UBE2O: variants seen among roughly 807,000 people sequenced by gnomAD.
UBE2O encodes the protein ubiquitin conjugating enzyme E2 O.
UBE2O carries 15 observed loss-of-function variants against 125.8 expected under a neutral mutation model. That is an observed-to-expected ratio of 0.12 (90% CI 0.08 to 0.18). The LOEUF is 0.18. Among genes scored for constraint, UBE2O ranks in the 10% least tolerant of loss-of-function variants. UBE2O has a pLI of 1.00. For synonymous variants in UBE2O, 708 were observed against 703.2 expected, an observed-to-expected ratio of 1.01 and a Z score of -0.11; for missense variants, 1,280 against 1,723.6, an observed-to-expected ratio of 0.74 and a Z score of 4.56.
In UBE2O at chr17:76,391,967, G is replaced by C; in HGVS notation, c.3093C>G (p.Pro1031=). ...ACACCTTCCCATTGTCATACAGGTT[G>C]GGGTTCAGGCGGCCACTGCATTGGG... The part of the protein sequence containing the change: ...YLSQCSGRLN[P]NLYDNGKVCV... Residue 1031 remains proline, a synonymous_variant, in exon 16 of 18, where the codon CCC becomes CCG. Transcript: ENST00000319380. This position sits in a 1 kb window ranked among gnomAD's most constrained non-coding sequence, Gnocchi z 8.4. The C allele has an allele frequency of 2.5e-6, 4 of 1,609,840 alleles. No individual in the cohort carries two copies. The highest frequency in any genetic ancestry group is 3.4e-6 in the Non-Finnish European group (4 of 1,178,582).
intron 1 of UBE2O, among the ~76,000 whole-genome samples, chr17:76,451,389 C>T (rs1365574115): frequency 6.6e-6 from 1 of 152,176 alleles, no homozygotes; most frequent in Non-Finnish European, 1.5e-5. Context: ...TTGCCTGATT[C>T]ACATTTCTCT....
chr17:76,447,229 A>G (rs1367013954), intron 1 of UBE2O, among the ~76,000 whole-genome samples: 4 of 152,248 alleles, frequency 2.6e-5, no homozygotes, highest in Admixed American at 2.6e-4. Context: ...CCTGAACTTA[A>G]GTATTCTCAG....
intron 1 of UBE2O, among the ~76,000 whole-genome samples, chr17:76,450,620 T>A (rs530424899): frequency 6.6e-6 from 1 of 151,524 alleles, no homozygotes; most frequent in South Asian, 2.1e-4. Flanking sequence ...AAGTTGTTGT[T>A]TTTTTTTTCT....
chr17:76,451,074 G>A (rs1000794556), intron 1 of UBE2O, among the ~76,000 whole-genome samples: 11 of 152,202 alleles, frequency 7.2e-5, no homozygotes, highest in African/African-American at 2.4e-4. Flanking sequence ...GCGGCTCCCA[G>A]TAGTGAGCTG....
At chr17:76,409,290 C>T (rs974366381) in intron 1 of UBE2O, among the ~76,000 whole-genome samples, 1 of 151,040 alleles carries the variant, frequency 6.6e-6, no homozygotes, top group Non-Finnish European at 1.5e-5. Context: ...CTTAGAGAGT[C>T]GTAACTATCA....
chr17:76,395,962 C>T lies in UBE2O; in HGVS notation c.2810-101G>A, dbSNP rs2072200435. The T allele has an allele frequency of 4.5e-6, 7 of 1,558,542 alleles. No individual in the cohort carries two copies. The highest frequency in any genetic ancestry group is 5.2e-6 in the Non-Finnish European group (6 of 1,144,088). ...TGAGCACACCCACAGACTTCCCACT[C>T]GCCGCTGCTGGCCTCAGCACTGTGA... On this transcript the variant is annotated intron_variant, in intron 14 of 17. Coordinates refer to ENST00000319380, the MANE Select transcript of UBE2O (RefSeq NM_022066.4). This position sits in a 1 kb window ranked among gnomAD's most constrained non-coding sequence, Gnocchi z 5.0.
chr17:76,446,954 G>T (rs779721542), intron 1 of UBE2O, among the ~76,000 whole-genome samples: 2 of 152,180 alleles, frequency 1.3e-5, no homozygotes, highest in Non-Finnish European at 2.9e-5. Context: ...GAAAAGAGTG[G>T]AATCTGCAGA....
chr17:76,453,098 G>T lies in UBE2O; in HGVS notation c.44C>A (p.Ala15Asp), dbSNP rs2073287826. The T allele has an allele frequency of 1.0e-6, 1 of 987,246 alleles. No homozygotes were observed. Among genetic ancestry groups the T allele is most frequent in the Non-Finnish European group, 1.4e-6 (1 of 735,954 alleles). 61.2% of individuals were successfully genotyped at this position (987,246 alleles called of 1,614,324 possible). A position where few individuals can be genotyped will look rare whatever the true frequency, so the allele number is the denominator to read the frequency against. Residue 15 changes from alanine to aspartate, a missense_variant, in exon 1 of 18, where the codon GCC becomes GAC. Physicochemically the swap from Ala to Asp is moderately radical, Grantham distance 126. Coordinates refer to ENST00000319380, the MANE Select transcript of UBE2O (RefSeq NM_022066.4). ...CTCCGGGGCTGGAGCCGGGGCCTGG[G>T]CTGGAGCGGGAGCTGCGGGCGTGGG... ...AAPTPAAPAP[A>D]QAPAPAPEAV...
chr17:76,420,505 C>T (rs1042265642), intron 1 of UBE2O, among the ~76,000 whole-genome samples: 2 of 152,128 alleles, frequency 1.3e-5, no homozygotes, highest in Non-Finnish European at 2.9e-5. Flanking sequence ...ACCGAGCAAC[C>T]CTACATGCAG....
In UBE2O at chr17:76,410,746, G is replaced by A. The variant is rs1567840203; in HGVS notation, c.418-5174C>T. ...CAGGAGCCGGGGAAGCTCACCGGGG[G>A]CCTCTCCTGCCAGGAGCACTCTCCC... On this transcript the variant is annotated intron_variant, in intron 1 of 17. Coordinates refer to ENST00000319380, the MANE Select transcript of UBE2O (RefSeq NM_022066.4). This position sits in a 1 kb window ranked among gnomAD's most constrained non-coding sequence, Gnocchi z 4.0. 9.3e-6 allele frequency among the ~76,000 whole-genome samples: 1 copy of A among 107,300 alleles called. No individual in the cohort carries two copies. The allele number at this position is 107,300 out of a possible 152,430, so 70.4% of individuals were successfully genotyped here. A position where few individuals can be genotyped will look rare whatever the true frequency, so the allele number is the denominator to read the frequency against.
chr17:76,391,660 A>G lies in UBE2O; in HGVS notation c.3209-47T>C, dbSNP rs1226597315. 6.2e-7 allele frequency: 1 copy of G among 1,601,216 alleles called. No individual in the cohort carries two copies. The highest frequency in any genetic ancestry group is 8.5e-7 in the Non-Finnish European group (1 of 1,171,952). ...CCTCAGTGGGTGAGAGAGGCCCACA[A>G]TGCAGGCCTACCCTCCACCTGCCAG... On this transcript the variant is annotated intron_variant, in intron 17 of 17. Coordinates refer to ENST00000319380, the MANE Select transcript of UBE2O (RefSeq NM_022066.4). The surrounding 1 kb of genome is among the most constrained non-coding windows in gnomAD (Gnocchi z 8.4).
intron 1 of UBE2O, among the ~76,000 whole-genome samples, chr17:76,444,055 T>C (rs2073117133): frequency 6.6e-6 from 1 of 151,976 alleles, no homozygotes; most frequent in African/African-American, 2.4e-5. Context: ...ACCCCGTCTC[T>C]GCTAAAAAGA....
intron 15 of UBE2O, among the ~76,000 whole-genome samples, chr17:76,394,164 C>CCGCTTGGCTGCTCTCAGGAT (rs886547583): frequency 5.9e-5 from 9 of 152,344 alleles, no homozygotes; most frequent in South Asian, 2.1e-4. Flanking sequence ...CAACAGCATC[C>CCGCTTGGCTGCTCTCAGGAT]CGCTTGGCTG....
intron 1 of UBE2O, among the ~76,000 whole-genome samples, chr17:76,439,310 A>G (rs1032149108): frequency 1.3e-5 from 2 of 152,196 alleles, no homozygotes; most frequent in African/African-American, 2.4e-5. Flanking sequence ...CTCGCCTGCC[A>G]GCACTCTCTC....
In UBE2O at chr17:76,399,687, G is replaced by C. The variant is rs746231855; in HGVS notation, c.1390C>G (p.Leu464Val). 1 of 1,614,172 alleles carries C rather than the reference G, an allele frequency of 6.2e-7. No homozygotes were observed. Among genetic ancestry groups the C allele is most frequent in the South Asian group, 1.1e-5 (1 of 91,082 alleles). Residue 464 changes from leucine (L) to valine (V), a missense_variant, in exon 9 of 18, where the codon CTG becomes GTG. Leu to Val is a conservative substitution (Grantham distance 32). Transcript: ENST00000319380. The surrounding 1 kb of genome is among the most constrained non-coding windows in gnomAD (Gnocchi z 6.9). ...HEAGEQLPPF[L>V]LKEGRDDRLH... ...CTGTCATCTCTGCCTTCTTTTAGCA[G>C]GAATGGGGGCAGCTGCTCTCCTGCC... is the stretch of plus-strand genomic sequence containing the variant.
intron 3 of UBE2O, among the ~76,000 whole-genome samples, chr17:76,403,688 G>A (rs966309626): frequency 3.3e-5 from 5 of 152,248 alleles, no homozygotes; most frequent in Admixed American, 2.0e-4. Context: ...GAGCCAAGTA[G>A]CAATTAGCAC....
intron 1 of UBE2O, among the ~76,000 whole-genome samples, chr17:76,432,942 G>A (rs1179877031): frequency 1.3e-5 from 2 of 152,144 alleles, no homozygotes; most frequent in South Asian, 2.1e-4. Flanking sequence ...AAGCATTGGT[G>A]AGCATGTGGA....
rs117849139 is a variant in UBE2O at position 76,444,454 on chromosome 17, T to C, written c.417+8271A>G. Among the ~76,000 whole-genome samples the C allele has an allele frequency of 9.5e-4, 144 of 152,242 alleles. No homozygotes were observed. The East Asian group carries it at 0.022, about 24-fold the overall frequency. ...CAGGAGGCTGAGGTGGGAGCACTGC[T>C]TGAGCCCAGGAGGCGGAGGCTGCAG... On this transcript the variant is annotated intron_variant, in intron 1 of 17. Transcript: ENST00000319380.
chr17:76,444,508 G>C (rs1240375476), intron 1 of UBE2O, among the ~76,000 whole-genome samples: 1 of 152,220 alleles, frequency 6.6e-6, no homozygotes, highest in African/African-American at 2.4e-5. Flanking sequence ...CTGCATTCCA[G>C]CCTGGGTGAC....
Sources: allele counts gnomAD v4.1 joint callset (sites outside exome capture counted in the v4.1 genomes callset), GRCh38; gene constraint gnomAD v4.1.1; non-coding constraint Gnocchi (gnomAD v3.1); transcripts MANE v1.5; gene names NCBI Gene and HGNC (gene_info 2026-07-23, HGNC 2026-07-21).